CDK19: variants seen among roughly 807,000 people sequenced by gnomAD.
CDK19 encodes the protein cyclin dependent kinase 19, also known as cyclin-dependent kinase 19.
CDK19 carries 20 observed loss-of-function variants against 68.3 expected under a neutral mutation model. The observed-to-expected ratio is 0.29, with a 90% CI of 0.21 to 0.43. The LOEUF is 0.43. Among genes scored for constraint, CDK19 ranks in the 20% least tolerant of loss-of-function variants. The probability of loss-of-function intolerance (pLI) is 1.00; values close to 1 mark genes in which losing one functional copy is unlikely to be tolerated. For synonymous variants in CDK19, 221 were observed against 222.8 expected (o/e 0.99, Z 0.07); for missense variants, 339 against 623.5 (o/e 0.54, Z 4.86).
At chr6:110,789,717 A>G (rs2115063945) in intron 1 of CDK19, among the ~76,000 whole-genome samples, 1 of 152,312 alleles carries the variant, frequency 6.6e-6, no homozygotes. Flanking sequence ...GCCAAATTTT[A>G]ACTTTTTATA....
Position 110,806,477 on chromosome 6 carries a change from G to A in CDK19, c.128+8532C>T, listed in dbSNP as rs971150338. 2.6e-5 allele frequency among the ~76,000 whole-genome samples: 4 copies of A among 152,062 alleles called. No individual in the cohort carries two copies. The South Asian group carries it at 6.2e-4, about 24-fold the overall frequency. On this transcript the variant is annotated intron_variant, in intron 1 of 12. Coordinates refer to ENST00000368911, the MANE Select transcript of CDK19 (RefSeq NM_015076.5). Reference sequence around the variant, plus strand: ...ACCATTCCAAGCCATTACTTCCAAAGGTAAACAGCTTCTAGGACTTTAACT... The same window carrying A: ...ACCATTCCAAGCCATTACTTCCAAAAGTAAACAGCTTCTAGGACTTTAACT...
At chr6:110,643,193 A>G in intron 4 of CDK19, 1 of 1,288,160 alleles carries the variant, frequency 7.8e-7, no homozygotes, top group Non-Finnish European at 1.0e-6. Flanking sequence ...ACACTTACCA[A>G]CTTAGGCCTG....
intron 2 of CDK19, among the ~76,000 whole-genome samples, chr6:110,696,869 G>A (rs971570143): frequency 6.6e-6 from 1 of 152,014 alleles, no homozygotes; most frequent in Non-Finnish European, 1.5e-5. Context: ...GACCAGCCTG[G>A]GCAACATGGC....
At chr6:110,669,975 T>C (rs1412623682) in intron 3 of CDK19, among the ~76,000 whole-genome samples, 1 of 151,616 alleles carries the variant, frequency 6.6e-6, no homozygotes, top group Admixed American at 6.6e-5. Flanking sequence ...CTGACCAACA[T>C]GGAGAAACCC....
chr6:110,814,890 C>A, intron 1 of CDK19, 119 bp downstream of exon 1: 3 of 1,372,388 alleles, frequency 2.2e-6, no homozygotes, highest in Admixed American at 3.9e-5. Context: ...CGCAACCCCG[C>A]GACCCCCTCC....
intron 1 of CDK19, among the ~76,000 whole-genome samples, chr6:110,794,645 C>T (rs1483755473): frequency 6.6e-6 from 1 of 151,776 alleles, no homozygotes; most frequent in Admixed American, 6.6e-5. Context: ...CCTCGTGATC[C>T]ACCCGCCTCA....
At chr6:110,693,012 T>C (rs996713149) in intron 2 of CDK19, among the ~76,000 whole-genome samples, 1 of 151,670 alleles carries the variant, frequency 6.6e-6, no homozygotes. Context: ...ATAATAATAA[T>C]AATAAACCCA....
chr6:110,719,982 CCCCA>C (rs1286390256), intron 2 of CDK19, among the ~76,000 whole-genome samples: 1 of 98,120 alleles, frequency 1.0e-5, no homozygotes, highest in Non-Finnish European at 2.1e-5. Flanking sequence ...GCCCCCCCCC[CCCCA>C]CCCCCCCCCT....
intron 2 of CDK19, among the ~76,000 whole-genome samples, chr6:110,694,152 T>C (rs1479053315): frequency 6.7e-6 from 1 of 150,022 alleles, no homozygotes; most frequent in Admixed American, 6.6e-5. Context: ...TCCATACTAA[T>C]GTTGAATGTA....
Position 110,746,288 on chromosome 6 carries a change from A to T in CDK19, c.129-87T>A, listed in dbSNP as rs575070139. The stretch of plus-strand genomic sequence containing the variant: ...TACAAAAACAATGGAAATGCACTTA[A>T]TTTCTCAGTGATATGTAAACATTCT... On this transcript the variant is annotated intron_variant, in intron 1 of 12. Coordinates refer to ENST00000368911, the MANE Select transcript of CDK19 (RefSeq NM_015076.5). 417 of 733,656 alleles carry T rather than the reference A, an allele frequency of 5.7e-4. 1 individual carries two copies. Among genetic ancestry groups the T allele is most frequent in the Non-Finnish European group, 7.8e-4 (340 of 438,262 alleles). 45.4% of individuals were successfully genotyped at this position (733,656 alleles called of 1,614,324 possible). A position where few individuals can be genotyped will look rare whatever the true frequency, so the allele number is the denominator to read the frequency against.
intron 1 of CDK19, among the ~76,000 whole-genome samples, chr6:110,807,360 C>G (rs887941681): frequency 1.3e-5 from 2 of 152,136 alleles, no homozygotes; most frequent in African/African-American, 4.8e-5. Flanking sequence ...GCACATACCC[C>G]AAAAGAAAAT....
intron 6 of CDK19, among the ~76,000 whole-genome samples, chr6:110,630,011 T>A (rs907552500): frequency 6.6e-6 from 1 of 152,192 alleles, no homozygotes; most frequent in Non-Finnish European, 1.5e-5. Context: ...AAAAAAAGCA[T>A]CTATTTTCAT....
intron 2 of CDK19, among the ~76,000 whole-genome samples, chr6:110,694,693 A>G (rs1187849783): frequency 6.6e-6 from 1 of 152,248 alleles, no homozygotes; most frequent in Non-Finnish European, 1.5e-5. Flanking sequence ...ACAACTGCGG[A>G]GAATACGTTC....
At chr6:110,731,105 GA>G (rs1776716502) in intron 2 of CDK19, among the ~76,000 whole-genome samples, 4 of 143,122 alleles carry the variant, frequency 2.8e-5, no homozygotes, top group African/African-American at 7.8e-5. Flanking sequence ...AGAAAGAAAA[GA>G]AAAGAAAGGA....
At chr6:110,618,378 C>T (rs1562123569) in intron 12 of CDK19, among the ~76,000 whole-genome samples, 1 of 152,210 alleles carries the variant, frequency 6.6e-6, no homozygotes. Context: ...GGTGATCCAC[C>T]CGCCTCAGCC....
intron 2 of CDK19, among the ~76,000 whole-genome samples, chr6:110,679,665 G>A (rs1277280161): frequency 6.6e-6 from 1 of 152,104 alleles, no homozygotes; most frequent in African/African-American, 2.4e-5. Flanking sequence ...TCATTAAAAT[G>A]TGTTCATCTT....
At chr6:110,770,460 C>T (rs1779937836) in intron 1 of CDK19, among the ~76,000 whole-genome samples, 1 of 152,148 alleles carries the variant, frequency 6.6e-6, no homozygotes, top group Non-Finnish European at 1.5e-5. Context: ...TTATTCACTA[C>T]CACAAGAATA....
chr6:110,616,758 T>A (rs1370073046), intron 12 of CDK19, among the ~76,000 whole-genome samples: 1 of 152,148 alleles, frequency 6.6e-6, no homozygotes, highest in African/African-American at 2.4e-5. Flanking sequence ...TCTTTAAAAA[T>A]TCCAAATTTT....
At chr6:110,704,332 CT>C (rs923020499) in intron 2 of CDK19, among the ~76,000 whole-genome samples, 41 of 152,216 alleles carry the variant, frequency 2.7e-4, no homozygotes, top group African/African-American at 9.9e-4. Flanking sequence ...GAAGCCCTAT[CT>C]TTTTTTAATT....
Sources: allele counts gnomAD v4.1 joint callset (sites outside exome capture counted in the v4.1 genomes callset), GRCh38; gene constraint gnomAD v4.1.1; transcripts MANE v1.5; gene names NCBI Gene and HGNC (gene_info 2026-07-23, HGNC 2026-07-21).